PIK3R1: variants seen among roughly 807,000 people sequenced by gnomAD.
The protein encoded by PIK3R1 is phosphatidylinositol 3-kinase regulatory subunit alpha.
PIK3R1 carries 29 observed loss-of-function variants against 98.0 expected under a neutral mutation model. That is an observed-to-expected ratio of 0.30 (90% confidence interval 0.22 to 0.40). The LOEUF is 0.40. PIK3R1 is among the 10% of genes least tolerant of loss of function. The pLI is 1.00. For missense variants in PIK3R1, 596 were observed against 872.7 expected (o/e 0.68, Z 3.99); for synonymous variants, 282 against 311.8 (o/e 0.90, Z 1.01).
intron 2 of PIK3R1, 145 bp downstream of exon 2, chr5:68,227,154 G>A (rs1744309221): frequency 1.4e-6 from 1 of 700,530 alleles, no homozygotes; most frequent in South Asian, 2.1e-5. Flanking sequence ...ATAAAAGCTT[G>A]GTCAATCATT....
chr5:68,284,422 C>A (rs552417847), intron 7 of PIK3R1, among the ~76,000 whole-genome samples: 53 of 152,282 alleles, frequency 3.5e-4, no homozygotes, highest in African/African-American at 1.2e-3. Context: ...GAGAAAGGTG[C>A]CTTTGTATGA....
In PIK3R1 at chr5:68,257,050, T is replaced by G. The variant is rs145776696; in HGVS notation, c.335-16340T>G. On this transcript the variant is annotated intron_variant, in intron 2 of 15. Coordinates refer to ENST00000521381, the MANE Select transcript of PIK3R1 (RefSeq NM_181523.3). Reference sequence around the variant, plus strand: ...ATGTGCCACCAGGAACCCAGGACCTTTCATGGTCCAGTCTGAGGTGGGAGC... The same window carrying G: ...ATGTGCCACCAGGAACCCAGGACCTGTCATGGTCCAGTCTGAGGTGGGAGC... 4.6e-3 allele frequency among the ~76,000 whole-genome samples: 701 copies of G among 152,304 alleles called. 6 individuals are homozygous for G. Among genetic ancestry groups the G allele is most frequent in the African/African-American group, 0.016 (676 of 41,564 alleles).
intron 2 of PIK3R1, among the ~76,000 whole-genome samples, chr5:68,238,553 T>C (rs1744757717): frequency 6.6e-6 from 1 of 151,470 alleles, no homozygotes; most frequent in Non-Finnish European, 1.5e-5. Context: ...GAAATCGGAG[T>C]GAAACAATAA....
intron 2 of PIK3R1, among the ~76,000 whole-genome samples, chr5:68,237,403 T>C (rs1378551465): frequency 6.6e-6 from 1 of 152,168 alleles, no homozygotes; most frequent in Non-Finnish European, 1.5e-5. Flanking sequence ...CATTTGTGTT[T>C]CTGTTACCTG....
chr5:68,264,388 A>G (rs56660563), intron 2 of PIK3R1, among the ~76,000 whole-genome samples: 2,987 of 152,296 alleles, frequency 0.02, 84 homozygotes, highest in African/African-American at 0.068. Flanking sequence ...AGATTCACAG[A>G]GTGGTTACAA....
intron 2 of PIK3R1, among the ~76,000 whole-genome samples, chr5:68,240,698 A>AATCTAGTTGTTACATGCCT (rs1744842263): frequency 6.6e-6 from 1 of 152,224 alleles, no homozygotes; most frequent in Non-Finnish European, 1.5e-5. Context: ...GGTGAATGCC[A>AATCTAGTTGTTACATGCCT]ATCTAGTTGT....
intron 4 of PIK3R1, 126 bp downstream of exon 4, chr5:68,274,139 C>CTT: frequency 1.3e-6 from 1 of 767,768 alleles, no homozygotes; most frequent in Non-Finnish European, 2.2e-6. Flanking sequence ...GAACTCAAAT[C>CTT]ATGTACAGTT....
At chr5:68,256,414 T>C (rs958312482) in intron 2 of PIK3R1, among the ~76,000 whole-genome samples, 1 of 152,102 alleles carries the variant, frequency 6.6e-6, no homozygotes, top group East Asian at 1.9e-4. Context: ...GTATTTTTAG[T>C]AGAGACAGGG....
Position 68,292,594 on chromosome 5 carries a change from G to C in PIK3R1, c.1019+233G>C, listed in dbSNP as rs745824818. The C allele has an allele frequency of 6.1e-6, 9 of 1,470,648 alleles. No homozygotes were observed. In the Admixed American group the frequency reaches 1.8e-4, roughly 30 times the overall value. 91.1% of individuals were successfully genotyped at this position (1,470,648 alleles called of 1,614,324 possible). A position where few individuals can be genotyped will look rare whatever the true frequency, so the allele number is the denominator to read the frequency against. ...TTATTGACAGAGATGTCAGTGAAGT[G>C]CCAGAGTGAAGTGGCACTGCCTAAG... On this transcript the variant is annotated intron_variant, in intron 8 of 15. Coordinates refer to ENST00000521381, the MANE Select transcript of PIK3R1 (RefSeq NM_181523.3).
chr5:68,236,490 C>G (rs541977283), intron 2 of PIK3R1, among the ~76,000 whole-genome samples: 1 of 152,076 alleles, frequency 6.6e-6, no homozygotes, highest in East Asian at 1.9e-4. Flanking sequence ...ACCTTGTGAT[C>G]CGCCCACCTC....
chr5:68,216,428 G>T (rs1743885054), intron 1 of PIK3R1, among the ~76,000 whole-genome samples: 9 of 152,226 alleles, frequency 5.9e-5, no homozygotes, highest in Admixed American at 5.9e-4. Context: ...AGCCAGGGTC[G>T]CTGCCCGGGC....
chr5:68,250,064 C>T (rs543450303), intron 2 of PIK3R1, among the ~76,000 whole-genome samples: 2 of 152,292 alleles, frequency 1.3e-5, no homozygotes, highest in South Asian at 2.1e-4. Context: ...AGAGCATGAG[C>T]GAGCGTGCCA....
At chr5:68,257,282 C>A (rs1379074398) in intron 2 of PIK3R1, among the ~76,000 whole-genome samples, 3 of 152,212 alleles carry the variant, frequency 2.0e-5, no homozygotes, top group African/African-American at 7.2e-5. Flanking sequence ...GTCTTGTCTA[C>A]CAAAAATCAC....
At chr5:68,260,857 A>C (rs1343888046) in intron 2 of PIK3R1, among the ~76,000 whole-genome samples, 1 of 152,232 alleles carries the variant, frequency 6.6e-6, no homozygotes, top group Non-Finnish European at 1.5e-5. Flanking sequence ...ACATGGAATT[A>C]GTTGTCTTTT....
Position 68,296,346 on chromosome 5 carries a change from G to GTA in PIK3R1, c.1985+7_1985+8dup. ...CTGCTATGCCTGCTCTGTAGTGTAT[G>GTA]TATCTCCAGCAAACTTTTCTTTACA... On this transcript the variant is annotated splice_donor_region_variant and intron_variant, in intron 15 of 15. Transcript: ENST00000521381. 6.3e-7 allele frequency: 1 copy of GTA among 1,597,660 alleles called. No individual in the cohort carries two copies. The highest frequency in any genetic ancestry group is 2.2e-5 in the East Asian group (1 of 44,468).
In PIK3R1 at chr5:68,300,185, T is replaced by C. The variant is rs529884626; in HGVS notation, c.*2584T>C. On this transcript the variant is annotated 3_prime_UTR_variant, in exon 16 of 16. Transcript: ENST00000521381. ...GCCTTATTTTTGCATCTCACAAACATAAGTGCAATAGATCTTTTCATTGAA... is the reference window on the plus strand; with the variant it reads ...GCCTTATTTTTGCATCTCACAAACACAAGTGCAATAGATCTTTTCATTGAA... 4.3e-6 allele frequency: 1 copy of C among 233,244 alleles called. No homozygotes were observed. The highest frequency in any genetic ancestry group is 8.5e-6 in the Non-Finnish European group (1 of 118,018). The allele number at this position is 233,244 out of a possible 1,614,324, so 14.4% of individuals were successfully genotyped here.
At position 68,238,358 on chromosome 5, in the gene PIK3R1, A is replaced by G. The variant is rs556690745; in HGVS notation, c.334+11349A>G. Among the ~76,000 whole-genome samples, 11 of 152,326 alleles carry G rather than the reference A, an allele frequency of 7.2e-5. No homozygotes were observed. In the East Asian group the frequency reaches 2.1e-3, roughly 29 times the overall value. On this transcript the variant is annotated intron_variant, in intron 2 of 15. Transcript: ENST00000521381. ...TAACCGAGCCTACTGAACCATGTCCATCTATAAAAGAAAAAGGGAGATCAT... is the reference window on the plus strand; with the variant it reads ...TAACCGAGCCTACTGAACCATGTCCGTCTATAAAAGAAAAAGGGAGATCAT...
chr5:68,258,061 T>C (rs1488177557), intron 2 of PIK3R1, among the ~76,000 whole-genome samples: 1 of 151,980 alleles, frequency 6.6e-6, no homozygotes, highest in African/African-American at 2.4e-5. Context: ...CTTAGAAGAG[T>C]CAATTAGGAG....
chr5:68,226,497 G>T lies in PIK3R1; in HGVS notation c.-179G>T. The T allele has an allele frequency of 1.7e-6, 1 of 574,732 alleles. No homozygotes were observed. The highest frequency in any genetic ancestry group is 2.4e-5 in the South Asian group (1 of 40,926). 35.6% of individuals were successfully genotyped at this position (574,732 alleles called of 1,614,324 possible). Reference sequence around the variant, plus strand: ...GTCACACCATTGATGGAGGACAGATGGACAGCCGTATGGCCAGTCACCTCT... The same window carrying T: ...GTCACACCATTGATGGAGGACAGATTGACAGCCGTATGGCCAGTCACCTCT... On this transcript the variant is annotated 5_prime_UTR_variant, in exon 2 of 16. It removes an upstream start codon present in the reference 5' UTR. Transcript: ENST00000521381.
Sources: gnomAD v4.1 joint callset for allele counts (sites outside exome capture counted in the v4.1 genomes callset) on GRCh38, gnomAD v4.1.1 for gene constraint, MANE v1.5 for transcripts, NCBI Gene and HGNC (gene_info 2026-07-23, HGNC 2026-07-21) for gene names.